SH3PXD2A: variants seen among roughly 807,000 people sequenced by gnomAD.
SH3PXD2A encodes the protein SH3 and PX domains 2A.
Under a neutral mutation model 115.2 loss-of-function variants are expected in SH3PXD2A, and 32 were observed. That is an observed-to-expected ratio of 0.28 (90% CI 0.21 to 0.37). The LOEUF (loss-of-function observed/expected upper bound fraction) is 0.37, where lower values mean the gene tolerates loss of function less well. Ranked by LOEUF, SH3PXD2A falls within the 10% of genes least tolerant of loss-of-function variation. The probability of loss-of-function intolerance (pLI) is 1.00; values close to 1 mark genes in which losing one functional copy is unlikely to be tolerated. For synonymous variants in SH3PXD2A, 610 were observed against 629.1 expected, an observed-to-expected ratio of 0.97 and a Z score of 0.45; for missense variants, 1,328 against 1,498.7, an observed-to-expected ratio of 0.89 and a Z score of 1.88.
intron 8 of SH3PXD2A, among the ~76,000 whole-genome samples, chr10:103,648,313 G>A (rs1322963779): frequency 6.6e-6 from 1 of 152,202 alleles, no homozygotes; most frequent in Non-Finnish European, 1.5e-5. Flanking sequence ...CTCTCTTTAA[G>A]CGCCAGAGCT....
chr10:103,738,574 G>T (rs935668870), intron 3 of SH3PXD2A, among the ~76,000 whole-genome samples: 3 of 152,170 alleles, frequency 2.0e-5, no homozygotes, highest in Non-Finnish European at 4.4e-5. Flanking sequence ...GAAACCCAGG[G>T]GGACCACAGG....
chr10:103,853,197 C>A (rs950275609), intron 1 of SH3PXD2A, among the ~76,000 whole-genome samples: 2 of 152,200 alleles, frequency 1.3e-5, no homozygotes, highest in African/African-American at 2.4e-5. Context: ...ATGATCATTT[C>A]GAGGGAACTG....
At chr10:103,668,015 C>T (rs1379713446) in intron 7 of SH3PXD2A, among the ~76,000 whole-genome samples, 5 of 152,224 alleles carry the variant, frequency 3.3e-5, no homozygotes, top group Non-Finnish European at 7.3e-5. Flanking sequence ...GATTGCTGGG[C>T]ATGGGGGCTG....
intron 5 of SH3PXD2A, among the ~76,000 whole-genome samples, chr10:103,711,435 C>T (rs563551978): frequency 6.6e-6 from 1 of 152,294 alleles, no homozygotes; most frequent in East Asian, 1.9e-4. Flanking sequence ...TCAAAGTGAA[C>T]ACCCAGCTGG....
intron 3 of SH3PXD2A, among the ~76,000 whole-genome samples, chr10:103,764,644 A>G (rs1221461971): frequency 6.6e-6 from 1 of 152,202 alleles, no homozygotes; most frequent in African/African-American, 2.4e-5. Flanking sequence ...GACTTTGTGC[A>G]AAGTGTTTTG....
At chr10:103,838,508 C>T (rs1478007386) in intron 1 of SH3PXD2A, among the ~76,000 whole-genome samples, 4 of 152,222 alleles carry the variant, frequency 2.6e-5, no homozygotes, top group African/African-American at 9.7e-5. Context: ...AGAACCCCCT[C>T]TCTGAACTAC....
Position 103,775,637 on chromosome 10 carries a change from C to T in SH3PXD2A, c.154-8468G>A, listed in dbSNP as rs145502773. On this transcript the variant is annotated intron_variant, in intron 2 of 14. Transcript: ENST00000369774. ...GGATGGGAGTGATTTGCCTTGCTCA[C>T]GGATTCCATGAAATGCTGCCGTATG... Among the ~76,000 whole-genome samples, 769 of 152,254 alleles carry T rather than the reference C, an allele frequency of 5.1e-3. 4 individuals carry two copies. Among genetic ancestry groups the T allele is most frequent in the Middle Eastern group, 0.024 (7 of 294 alleles).
intron 6 of SH3PXD2A, among the ~76,000 whole-genome samples, chr10:103,692,064 C>A (rs2037759111): frequency 6.6e-6 from 1 of 152,202 alleles, no homozygotes; most frequent in African/African-American, 2.4e-5. Flanking sequence ...CCTACATCCC[C>A]AAGGGCCAGA....
chr10:103,677,885 G>A (rs2037559785), intron 6 of SH3PXD2A, among the ~76,000 whole-genome samples: 1 of 152,056 alleles, frequency 6.6e-6, no homozygotes. Flanking sequence ...CACTGCCCCA[G>A]GACCCTCTTG....
At chr10:103,604,065 C>T (rs1397655182) in intron 14 of SH3PXD2A, among the ~76,000 whole-genome samples, 1 of 152,178 alleles carries the variant, frequency 6.6e-6, no homozygotes, top group Non-Finnish European at 1.5e-5. Flanking sequence ...TTGAGCTGGC[C>T]CACTCTGCCT....
chr10:103,631,031 A>G (rs997564987), intron 8 of SH3PXD2A, among the ~76,000 whole-genome samples: 1 of 152,166 alleles, frequency 6.6e-6, no homozygotes, highest in African/African-American at 2.4e-5. Context: ...CCTATGAAGA[A>G]GTTTAACTTA....
intron 7 of SH3PXD2A, chr10:103,662,105 C>T (rs1240019305): frequency 2.7e-6 from 1 of 371,310 alleles, no homozygotes; most frequent in African/African-American, 2.2e-5. Context: ...GGTCAGGCCC[C>T]GGCAGTTTGA....
intron 2 of SH3PXD2A, among the ~76,000 whole-genome samples, chr10:103,789,472 C>T (rs1358695968): frequency 1.3e-5 from 2 of 152,080 alleles, no homozygotes; most frequent in Non-Finnish European, 2.9e-5. Context: ...CTTGAAATTC[C>T]CTCCAGCAGG....
intron 8 of SH3PXD2A, among the ~76,000 whole-genome samples, chr10:103,652,210 C>A (rs1429641328): frequency 6.6e-6 from 1 of 152,230 alleles, no homozygotes; most frequent in Non-Finnish European, 1.5e-5. Flanking sequence ...CAATGATAAT[C>A]ATGCACGGCA....
intron 9 of SH3PXD2A, among the ~76,000 whole-genome samples, chr10:103,623,468 T>C (rs2036641097): frequency 2.6e-5 from 4 of 152,052 alleles, no homozygotes. Flanking sequence ...CTGGCCTCAC[T>C]TCCTGCCACC....
At chr10:103,714,883 T>C (rs1190095979) in intron 5 of SH3PXD2A, among the ~76,000 whole-genome samples, 1 of 152,130 alleles carries the variant, frequency 6.6e-6, no homozygotes, top group African/African-American at 2.4e-5. Flanking sequence ...CAGCCAGGCA[T>C]GTGTGGGTGG....
chr10:103,754,305 C>T (rs2038614511), intron 3 of SH3PXD2A: 1 of 152,218 alleles, frequency 6.6e-6, no homozygotes, highest in Non-Finnish European at 1.5e-5. Context: ...CTCCTGGGCT[C>T]AAGTGATCCT....
chr10:103,847,063 C>A (rs749731275), intron 1 of SH3PXD2A, among the ~76,000 whole-genome samples: 2 of 152,208 alleles, frequency 1.3e-5, no homozygotes, highest in African/African-American at 2.4e-5. Flanking sequence ...TTTATTGTTA[C>A]ATTTTCCCTA....
intron 5 of SH3PXD2A, among the ~76,000 whole-genome samples, chr10:103,707,511 A>G (rs939182510): frequency 6.6e-6 from 1 of 151,804 alleles, no homozygotes; most frequent in Non-Finnish European, 1.5e-5. Context: ...CAATATTTTT[A>G]AATTAAAAAA....
Sources: gnomAD v4.1 joint callset for allele counts (sites outside exome capture counted in the v4.1 genomes callset) on GRCh38, gnomAD v4.1.1 for gene constraint, MANE v1.5 for transcripts, NCBI Gene and HGNC (gene_info 2026-07-23, HGNC 2026-07-21) for gene names.